GP6: variants seen among roughly 807,000 people sequenced by gnomAD.
GP6 encodes the protein glycoprotein VI platelet.
In GP6, 45 loss-of-function variants were observed where a neutral mutation model predicts 37.3. The ratio of observed to expected loss-of-function variants is 1.21; its 90% confidence interval spans 0.95 to 1.55. GP6 has a LOEUF of 1.55. GP6 is among the 40% of genes most tolerant of loss of function. The pLI, the probability that GP6 is intolerant of heterozygous loss-of-function variation, is 0.00. For synonymous variants in GP6, 340 were observed against 316.4 expected (o/e 1.07, Z -0.79); for missense variants, 813 against 760.2 (o/e 1.07, Z -0.82).
At chr19:55,032,699 C>A in intron 1 of GP6, 161 bp from the exon 2 acceptor site, 2 of 775,126 alleles carry the variant, frequency 2.6e-6, no homozygotes, top group South Asian at 3.0e-5. Flanking sequence ...AGAAACCGGT[C>A]AGAAAAAGCC....
chr19:55,018,696 G>A lies in GP6; in HGVS notation c.680C>T (p.Thr227Ile). ...TGTGAATGAGACGGTCAGTTCAGCGGTGGCTTCTGAGAATTCTAAGAAAGC... is the reference window on the plus strand; with the variant it reads ...TGTGAATGAGACGGTCAGTTCAGCGATGGCTTCTGAGAATTCTAAGAAAGC... Residue 227 changes from threonine to isoleucine, a missense_variant, in exon 6 of 8, where the codon ACC becomes ATC. By Grantham distance (89) the Thr-to-Ile change is moderately conservative (BLOSUM62 -1). Transcript: ENST00000310373. 6.2e-7 allele frequency: 1 copy of A among 1,608,874 alleles called. No homozygotes were observed. The highest frequency in any genetic ancestry group is 8.5e-7 in the Non-Finnish European group (1 of 1,175,164).
chr19:55,033,017 C>CGCGGTGGGT (rs2074647109), intron 1 of GP6, among the ~76,000 whole-genome samples: 2 of 102,212 alleles, frequency 2.0e-5, no homozygotes, highest in Admixed American at 1.1e-4. Context: ...ACGCGGTGGA[C>CGCGGTGGGT]TCGTTCGTGT....
chr19:55,032,551 G>T lies in GP6; in HGVS notation c.35-13C>A. On this transcript the variant is annotated splice_polypyrimidine_tract_variant and intron_variant, in intron 1 of 7. Transcript: ENST00000310373. ...CCCAGACACAGCCCTGAGGAAAGAAGAAAGGGACCAGATGCCAGGACTCGC... is the reference window on the plus strand; with the variant it reads ...CCCAGACACAGCCCTGAGGAAAGAATAAAGGGACCAGATGCCAGGACTCGC... 6.2e-7 allele frequency: 1 copy of T among 1,613,576 alleles called. No individual in the cohort carries two copies. The highest frequency in any genetic ancestry group is 8.5e-7 in the Non-Finnish European group (1 of 1,179,874).
At chr19:55,028,775 ACT>A (rs1363011432) in intron 3 of GP6, among the ~76,000 whole-genome samples, 1 of 152,124 alleles carries the variant, frequency 6.6e-6, no homozygotes, top group Non-Finnish European at 1.5e-5. Flanking sequence ...AACCTACACT[ACT>A]CTGATGTGAG....
At chr19:55,033,845 G>A (rs1005062240) in intron 1 of GP6, among the ~76,000 whole-genome samples, 1 of 152,164 alleles carries the variant, frequency 6.6e-6, no homozygotes, top group South Asian at 2.1e-4. Context: ...GTCTCAGCAT[G>A]TGCTGGCCAT....
At chr19:55,030,384 G>A (rs1182411519) in intron 3 of GP6, among the ~76,000 whole-genome samples, 1 of 150,278 alleles carries the variant, frequency 6.7e-6, no homozygotes, top group African/African-American at 2.5e-5. Flanking sequence ...GTCTTGCTCT[G>A]TCGCCCAGGC....
Position 55,014,730 on chromosome 19 carries a change from G to C in GP6, c.1215C>G (p.Leu405=). ...CCCAAATGGAGGGTGCCCTCAGACA[G>C]AGAGGCAGACAGACAGACAGACACT... The change falls in exon 8 of 8, where the codon CTC becomes CTG. Residue 405 remains leucine, a synonymous_variant. Transcript: ENST00000310373. 8.1e-6 allele frequency: 13 copies of C among 1,613,288 alleles called. No individual in the cohort carries two copies. The highest frequency in any genetic ancestry group is 1.1e-5 in the Non-Finnish European group (13 of 1,179,914).
At position 55,014,983 on chromosome 19, in the gene GP6, TC is replaced by T; in HGVS notation, c.961del (p.Glu321LysfsTer21). On this transcript the variant is annotated frameshift_variant, in exon 8 of 8. Transcript: ENST00000310373. LOFTEE classifies it low-confidence loss of function (END_TRUNC). ...CCTCCATCCTGACCCCCGTTTGATT[TC>T]CGGGTCAGCGGGAGGGGCGGGAGGG... The T allele has an allele frequency of 6.2e-7, 1 of 1,612,602 alleles. No individual in the cohort carries two copies. Among genetic ancestry groups the T allele is most frequent in the Non-Finnish European group, 8.5e-7 (1 of 1,179,532 alleles).
intron 3 of GP6, among the ~76,000 whole-genome samples, chr19:55,029,673 A>G (rs1432695394): frequency 6.6e-6 from 1 of 151,254 alleles, no homozygotes; most frequent in South Asian, 2.1e-4. Context: ...TACAGGCGTG[A>G]GCCACCGTGC....
intron 1 of GP6, among the ~76,000 whole-genome samples, chr19:55,034,048 T>C (rs1187023600): frequency 6.6e-6 from 1 of 152,038 alleles, no homozygotes; most frequent in Non-Finnish European, 1.5e-5. Flanking sequence ...TATACACATA[T>C]AGTGCATATA....
At position 55,014,565 on chromosome 19, in the gene GP6, G is replaced by A. The variant is rs533111925; in HGVS notation, c.1380C>T (p.Leu460=). 1 of 1,613,306 alleles carries A rather than the reference G, an allele frequency of 6.2e-7. No individual in the cohort carries two copies. Among genetic ancestry groups the A allele is most frequent in the African/African-American group, 1.3e-5 (1 of 74,982 alleles). ...CAGAGGATGGAACAGAGTCAACCCT[G>A]AGAGCTGGGAACCTTAGAGATCCGT... is the stretch of plus-strand genomic sequence containing the variant. Residue 460 remains leucine (L), a synonymous_variant, in exon 8 of 8, where the codon CTC becomes CTT. Coordinates refer to ENST00000310373, the MANE Select transcript of GP6 (RefSeq NM_001083899.2).
Position 55,032,555 on chromosome 19 carries a change from G to T in GP6, c.35-17C>A. The T allele has an allele frequency of 6.2e-7, 1 of 1,613,462 alleles. No homozygotes were observed. The highest frequency in any genetic ancestry group is 1.3e-5 in the African/African-American group (1 of 75,064). Reference sequence around the variant, plus strand: ...GACACAGCCCTGAGGAAAGAAGAAAGGGACCAGATGCCAGGACTCGCTTTT... The same window carrying T: ...GACACAGCCCTGAGGAAAGAAGAAATGGACCAGATGCCAGGACTCGCTTTT... On this transcript the variant is annotated splice_polypyrimidine_tract_variant and intron_variant, in intron 1 of 7. Coordinates refer to ENST00000310373, the MANE Select transcript of GP6 (RefSeq NM_001083899.2).
chr19:55,031,901 A>T (rs1270248037), intron 3 of GP6, among the ~76,000 whole-genome samples: 1 of 152,096 alleles, frequency 6.6e-6, no homozygotes, highest in Non-Finnish European at 1.5e-5. Flanking sequence ...TGAGCCCTGG[A>T]GGTGGAGGCT....
At chr19:55,028,451 C>G (rs538457361) in intron 3 of GP6, among the ~76,000 whole-genome samples, 1 of 152,226 alleles carries the variant, frequency 6.6e-6, no homozygotes, top group East Asian at 1.9e-4. Flanking sequence ...CTCTAGGTAA[C>G]AATACTGCAG....
chr19:55,025,313 G>T, intron 4 of GP6, 42 bp from the exon 5 acceptor site: 1 of 1,283,128 alleles, frequency 7.8e-7, no homozygotes, highest in Non-Finnish European at 1.1e-6. Flanking sequence ...CTCTGTCGCT[G>T]TGGGTCCTGA....
intron 5 of GP6, among the ~76,000 whole-genome samples, chr19:55,024,363 T>TGCACAC (rs1568613756): frequency 7.0e-6 from 1 of 143,602 alleles, no homozygotes; most frequent in Non-Finnish European, 1.5e-5. Flanking sequence ...CACACACACA[T>TGCACAC]ATGCACGCAC....
In GP6 at chr19:55,014,851, C is replaced by T. The variant is rs370477228; in HGVS notation, c.1094G>A (p.Arg365His). 344 of 1,614,118 alleles carry T rather than the reference C, an allele frequency of 2.1e-4. 1 individual carries two copies. The East Asian group carries it at 2.8e-3, about 13-fold the overall frequency. The stretch of plus-strand genomic sequence containing the variant: ...CCCTCCTGCTTCCACGCTCCACACA[C>T]GCCAGTCTTTGAGTCGCCTCCCATG... The change falls in exon 8 of 8, where the codon CGT (arginine) becomes CAT (histidine). Residue 365 changes from arginine (R) to histidine (H), a missense_variant. Arg to His is a conservative substitution (Grantham distance 29, BLOSUM62 0). Transcript: ENST00000310373.
intron 5 of GP6, among the ~76,000 whole-genome samples, chr19:55,020,452 C>A (rs1475108712): frequency 6.6e-6 from 1 of 152,060 alleles, no homozygotes; most frequent in Non-Finnish European, 1.5e-5. Flanking sequence ...CTGCCACTTA[C>A]AAGTGAGAAC....
intron 1 of GP6, among the ~76,000 whole-genome samples, chr19:55,034,437 T>C (rs2146905350): frequency 6.6e-6 from 1 of 151,906 alleles, no homozygotes; most frequent in Middle Eastern, 3.4e-3. Context: ...GTGCCTGTAA[T>C]CCTAGCTACT....
Sources: gnomAD v4.1 joint callset for allele counts (sites outside exome capture counted in the v4.1 genomes callset) on GRCh38, gnomAD v4.1.1 for gene constraint, MANE v1.5 for transcripts, NCBI Gene and HGNC (gene_info 2026-07-23, HGNC 2026-07-21) for gene names.